The following PCP4 variants were observed in gnomAD, a reference collection of about 807,000 sequenced individuals.
The protein encoded by PCP4 is calmodulin regulator protein PCP4.
Under a neutral mutation model 10.0 loss-of-function variants are expected in PCP4, and 8 were observed. That is an observed-to-expected ratio of 0.80 (90% CI 0.47 to 1.45). PCP4 has a LOEUF of 1.45. Among genes scored for constraint, PCP4 ranks in the 40% most tolerant of loss-of-function variants. PCP4 has a pLI of 0.00. For missense variants in PCP4, 54 were observed against 74.4 expected, an observed-to-expected ratio of 0.73 and a Z score of 1.01; for synonymous variants, 21 against 23.0, an observed-to-expected ratio of 0.91 and a Z score of 0.24.
intron 1 of PCP4, among the ~76,000 whole-genome samples, chr21:39,878,085 A>G (rs1406308474): frequency 6.6e-6 from 1 of 152,208 alleles, no homozygotes. Flanking sequence ...TGGAGAATCA[A>G]TAAGACGTGG....
rs1422629404 is a variant in PCP4 at position 39,906,578 on chromosome 21, C to T, written c.61+8051C>T. ...GCTCCTCCTTCTTCCCCTTCCTTCC[C>T]CCTTTCCTTCCCTTCCTTCCCTCCC... On this transcript the variant is annotated intron_variant, in intron 2 of 2. Transcript: ENST00000328619. The surrounding 1 kb of genome is among the most constrained non-coding windows in gnomAD (Gnocchi z 6.3). Among the ~76,000 whole-genome samples, 4 of 151,906 alleles carry T rather than the reference C, an allele frequency of 2.6e-5. No individual in the cohort carries two copies. The highest frequency in any genetic ancestry group is 4.8e-5 in the African/African-American group (2 of 41,358).
intron 2 of PCP4, among the ~76,000 whole-genome samples, chr21:39,918,848 G>A (rs1319718198): frequency 6.6e-6 from 1 of 152,206 alleles, no homozygotes; most frequent in African/African-American, 2.4e-5. Flanking sequence ...TGCAACTCAG[G>A]AAGTCAGGCA....
chr21:39,917,172 A>T (rs147469476), intron 2 of PCP4, among the ~76,000 whole-genome samples: 270 of 152,320 alleles, frequency 1.8e-3, no homozygotes, highest in African/African-American at 6.3e-3. Context: ...CATATGGAAG[A>T]TATTTAGCGA....
chr21:39,871,146 C>G (rs2087317788), intron 1 of PCP4, among the ~76,000 whole-genome samples: 2 of 152,194 alleles, frequency 1.3e-5, no homozygotes, highest in South Asian at 4.1e-4. Context: ...ATGCAGTTAA[C>G]TCGTGAGGTG....
At chr21:39,913,650 T>C (rs1450996656) in intron 2 of PCP4, among the ~76,000 whole-genome samples, 1 of 152,178 alleles carries the variant, frequency 6.6e-6, no homozygotes, top group Non-Finnish European at 1.5e-5. Context: ...GATTCCAGGT[T>C]GGTGGTAGCC....
At chr21:39,891,945 G>A (rs200187368) in intron 1 of PCP4, among the ~76,000 whole-genome samples, 1 of 152,356 alleles carries the variant, frequency 6.6e-6, no homozygotes, top group Middle Eastern at 3.4e-3. Context: ...GACCATTGAA[G>A]CACAGCACCA....
At chr21:39,888,586 T>A (rs2087412951) in intron 1 of PCP4, among the ~76,000 whole-genome samples, 1 of 152,164 alleles carries the variant, frequency 6.6e-6, no homozygotes, top group Non-Finnish European at 1.5e-5. Flanking sequence ...CACACCTCCC[T>A]CAAGAGCTGA....
intron 2 of PCP4, among the ~76,000 whole-genome samples, chr21:39,926,516 C>T (rs999618681): frequency 2.0e-5 from 3 of 152,078 alleles, no homozygotes; most frequent in Admixed American, 1.3e-4. Flanking sequence ...AATTTTTCCC[C>T]TTTGCACTCA....
intron 1 of PCP4, among the ~76,000 whole-genome samples, chr21:39,876,445 T>C (rs1443302438): frequency 6.6e-6 from 1 of 152,234 alleles, no homozygotes; most frequent in East Asian, 1.9e-4. Flanking sequence ...TGTGACTATA[T>C]AGGACATTTT....
intron 1 of PCP4, among the ~76,000 whole-genome samples, chr21:39,893,796 G>A (rs978146924): frequency 1.3e-5 from 2 of 152,256 alleles, no homozygotes; most frequent in African/African-American, 4.8e-5. Context: ...GGAATACACT[G>A]TCTCACAGAG....
chr21:39,888,428 G>T (rs561257648), intron 1 of PCP4, among the ~76,000 whole-genome samples: 12 of 152,176 alleles, frequency 7.9e-5, no homozygotes, highest in African/African-American at 2.2e-4. Context: ...ATGGATAAGT[G>T]GGGGGAGCGT....
chr21:39,883,216 G>T (rs762211451), intron 1 of PCP4, among the ~76,000 whole-genome samples: 3 of 152,306 alleles, frequency 2.0e-5, no homozygotes, highest in Non-Finnish European at 2.9e-5. Context: ...CCATGGGGTT[G>T]CCAAGGGTGG....
Position 39,878,149 on chromosome 21 carries a change from C to G in PCP4, c.9+10639C>G, listed in dbSNP as rs113783537. Among the ~76,000 whole-genome samples the G allele has an allele frequency of 3.7e-3, 556 of 152,288 alleles. 2 individuals carry two copies. The highest frequency in any genetic ancestry group is 0.011 in the Admixed American group (166 of 15,294). ...GAGACAGAATCACATAAAATTAACTCTACTCTGGTGTCCACGCAGAGCTAC... is the reference window on the plus strand; with the variant it reads ...GAGACAGAATCACATAAAATTAACTGTACTCTGGTGTCCACGCAGAGCTAC... On this transcript the variant is annotated intron_variant, in intron 1 of 2. Transcript: ENST00000328619.
At chr21:39,893,389 A>G (rs1260598475) in intron 1 of PCP4, among the ~76,000 whole-genome samples, 1 of 152,204 alleles carries the variant, frequency 6.6e-6, no homozygotes, top group East Asian at 1.9e-4. Context: ...ATCTTCATAT[A>G]CCCATTTGTT....
chr21:39,918,035 C>G (rs1236887478), intron 2 of PCP4, among the ~76,000 whole-genome samples: 1 of 152,124 alleles, frequency 6.6e-6, no homozygotes, highest in African/African-American at 2.4e-5. Flanking sequence ...GGAACCTGCT[C>G]TGCCAACACG....
chr21:39,910,656 A>G (rs144544121), intron 2 of PCP4, among the ~76,000 whole-genome samples: 2 of 152,330 alleles, frequency 1.3e-5, no homozygotes, highest in African/African-American at 4.8e-5. Flanking sequence ...AATAAGATAG[A>G]GCAATGTTTA....
intron 2 of PCP4, among the ~76,000 whole-genome samples, chr21:39,919,330 T>C (rs2299788): frequency 0.87 from 132,740 of 152,278 alleles, 58,043 homozygotes; most frequent in Middle Eastern, 0.95. Flanking sequence ...AAGTTAATAT[T>C]GTACTTTGAA....
At position 39,906,396 on chromosome 21, in the gene PCP4, GC is replaced by G. The variant is rs913142308; in HGVS notation, c.61+7871del. 1.4e-4 allele frequency among the ~76,000 whole-genome samples: 21 copies of G among 152,312 alleles called. No individual in the cohort carries two copies. The highest frequency in any genetic ancestry group is 3.4e-4 in the African/African-American group (14 of 41,578). On this transcript the variant is annotated intron_variant, in intron 2 of 2. Transcript: ENST00000328619. This position sits in a 1 kb window ranked among gnomAD's most constrained non-coding sequence, Gnocchi z 6.3. ...ATTATCCCATCAGTTTAGTTAACTA[GC>G]CTCTGGCAAATAGGGGTGATCTCAG...
intron 1 of PCP4, among the ~76,000 whole-genome samples, chr21:39,897,295 G>A (rs2087461523): frequency 6.6e-6 from 1 of 151,578 alleles, no homozygotes; most frequent in East Asian, 1.9e-4. Context: ...GGCTGAGGTA[G>A]GAGAATAGCT....
Sources: allele counts gnomAD v4.1 joint callset (sites outside exome capture counted in the v4.1 genomes callset), GRCh38; gene constraint gnomAD v4.1.1; non-coding constraint Gnocchi (gnomAD v3.1); transcripts MANE v1.5; gene names NCBI Gene and HGNC (gene_info 2026-07-23, HGNC 2026-07-21).